The following MSN variants were observed in gnomAD, a reference collection of about 807,000 sequenced individuals.
MSN encodes moesin.
Under a neutral mutation model 48.0 loss-of-function variants are expected in MSN, and 2 were observed. That is an observed-to-expected ratio of 0.04 (90% CI 0.02 to 0.13). MSN has a LOEUF of 0.13. MSN is among the 10% of genes least tolerant of loss of function. The probability of loss-of-function intolerance (pLI) is 1.00; values close to 1 mark genes in which losing one functional copy is unlikely to be tolerated. For synonymous variants in MSN, 146 were observed against 166.9 expected, an observed-to-expected ratio of 0.87 and a Z score of 0.97; for missense variants, 267 against 470.1, an observed-to-expected ratio of 0.57 and a Z score of 3.99.
chrX:65,695,236 C>A (rs949767334), intron 1 of MSN, among the ~76,000 whole-genome samples: 1 of 110,573 alleles, frequency 9.0e-6, no homozygotes, highest in Non-Finnish European at 1.9e-5. Flanking sequence ...CGTGTTGGCT[C>A]ACGCCTGTAA....
At chrX:65,696,643 C>T (rs1569463780) in intron 1 of MSN, among the ~76,000 whole-genome samples, 2 of 110,939 alleles carry the variant, frequency 1.8e-5, no homozygotes, top group Non-Finnish European at 1.9e-5. Flanking sequence ...TCGCTCACCT[C>T]AGCATTGAGG....
intron 1 of MSN, among the ~76,000 whole-genome samples, chrX:65,660,874 T>C (rs2070817692): frequency 8.9e-6 from 1 of 112,479 alleles, no homozygotes. Flanking sequence ...CAAGTCTTGT[T>C]CCAGTTCTTT....
chrX:65,654,103 C>CT (rs776587090), intron 1 of MSN, among the ~76,000 whole-genome samples: 3,974 of 67,644 alleles, frequency 0.059, 555 homozygotes, highest in African/African-American at 0.22. Context: ...GGAGACCCTT[C>CT]TTTTTTTTTT....
intron 1 of MSN, among the ~76,000 whole-genome samples, chrX:65,653,139 G>GGT (rs1295375840): frequency 9.0e-6 from 1 of 111,313 alleles, no homozygotes. Context: ...AGTTGGGAGT[G>GGT]GTGTGTGTGT....
intron 1 of MSN, among the ~76,000 whole-genome samples, chrX:65,654,106 T>C (rs2070763428): frequency 1.1e-5 from 1 of 90,492 alleles, no homozygotes; most frequent in Non-Finnish European, 2.2e-5. Context: ...GACCCTTCTT[T>C]TTTTTTTTTT....
intron 1 of MSN, among the ~76,000 whole-genome samples, chrX:65,618,124 C>T (rs1485707021): frequency 9.0e-6 from 1 of 111,730 alleles, no homozygotes; most frequent in Non-Finnish European, 1.9e-5. Flanking sequence ...TCTTCACTTC[C>T]AACTAAGTGG....
rs1334043217 is a variant in MSN, at chrX:65,689,551, C to A, written c.12+21698C>A. ...CATGAGGTAGATGGTTTATCCCAGT[C>A]TGTGGCCAGGTAGTTCCTGGTCACA... On this transcript the variant is annotated intron_variant, in intron 1 of 12. Transcript: ENST00000360270. Among the ~76,000 whole-genome samples, 4 of 111,580 alleles carry A rather than the reference C, an allele frequency of 3.6e-5. No homozygotes were observed. In the East Asian group the frequency reaches 1.1e-3, roughly 32 times the overall value.
intron 1 of MSN, among the ~76,000 whole-genome samples, chrX:65,607,042 C>CATTT (rs1171847470): frequency 8.9e-6 from 1 of 111,851 alleles, no homozygotes; most frequent in African/African-American, 3.2e-5. Flanking sequence ...TTAGTTTATT[C>CATTT]ATTTATTCAA....
At chrX:65,671,438 A>G (rs2070940463) in intron 1 of MSN, among the ~76,000 whole-genome samples, 1 of 111,610 alleles carries the variant, frequency 9.0e-6, no homozygotes, top group African/African-American at 3.3e-5. Context: ...AAACTTTAAC[A>G]GGGACTATGT....
intron 1 of MSN, among the ~76,000 whole-genome samples, chrX:65,674,884 C>T (rs1168455786): frequency 1.8e-5 from 2 of 111,696 alleles, no homozygotes; most frequent in Admixed American, 9.5e-5. Context: ...TCTAGCTCTG[C>T]GACCAACTAG....
chrX:65,615,815 C>A (rs1211669797), intron 1 of MSN, among the ~76,000 whole-genome samples: 1 of 111,692 alleles, frequency 9.0e-6, no homozygotes, highest in Admixed American at 9.6e-5. Flanking sequence ...CCTAAGTTTT[C>A]TTCTAGGGTT....
chrX:65,661,389 A>C (rs1251982338), intron 1 of MSN, among the ~76,000 whole-genome samples: 1 of 111,694 alleles, frequency 9.0e-6, no homozygotes, highest in Non-Finnish European at 1.9e-5. Flanking sequence ...TTTTGTTTTT[A>C]ATTGTGTGTA....
At chrX:65,687,738 A>G (rs955961916) in intron 1 of MSN, among the ~76,000 whole-genome samples, 1 of 111,822 alleles carries the variant, frequency 8.9e-6, no homozygotes, top group African/African-American at 3.3e-5. Context: ...AAAGGAGGCA[A>G]TCCTTCAAAG....
intron 1 of MSN, among the ~76,000 whole-genome samples, chrX:65,640,979 C>G (rs1335095280): frequency 9.1e-6 from 1 of 109,414 alleles, no homozygotes; most frequent in East Asian, 2.9e-4. Flanking sequence ...CGTGGTGGCT[C>G]ATGCCTGTAA....
chrX:65,705,643 A>G (rs1181509616), intron 1 of MSN, among the ~76,000 whole-genome samples: 1 of 111,195 alleles, frequency 9.0e-6, no homozygotes, highest in Non-Finnish European at 1.9e-5. Context: ...TTCAATTTTC[A>G]CCTCTGACCT....
intron 1 of MSN, among the ~76,000 whole-genome samples, chrX:65,630,717 T>C (rs926411061): frequency 1.8e-5 from 2 of 112,037 alleles, no homozygotes; most frequent in African/African-American, 3.2e-5. Flanking sequence ...TCTATCTCTA[T>C]GGATTTGCCT....
intron 1 of MSN, among the ~76,000 whole-genome samples, chrX:65,688,083 G>C (rs1290449494): frequency 8.9e-6 from 1 of 111,885 alleles, no homozygotes; most frequent in Non-Finnish European, 1.9e-5. Context: ...CAGGTTGGCT[G>C]GCATTGCCCT....
upstream of MSN, among the ~76,000 whole-genome samples, chrX:65,664,484 C>T (rs2070851360): frequency 8.9e-6 from 1 of 111,812 alleles, no homozygotes; most frequent in South Asian, 3.7e-4. Flanking sequence ...GTACTATTGC[C>T]AGAGCTTCTT....
chrX:65,637,201 G>A (rs2070611436), intron 1 of MSN, among the ~76,000 whole-genome samples: 1 of 109,793 alleles, frequency 9.1e-6, no homozygotes, highest in Admixed American at 9.7e-5. Context: ...TTGGGAGTTC[G>A]AGACCAGCGT....
Sources: gnomAD v4.1 joint callset for allele counts (sites outside exome capture counted in the v4.1 genomes callset) on GRCh38, gnomAD v4.1.1 for gene constraint, MANE v1.5 for transcripts, NCBI Gene and HGNC (gene_info 2026-07-23, HGNC 2026-07-21) for gene names.